Variants in SLC25A25 observed in about 807,000 individuals in gnomAD.
SLC25A25 encodes solute carrier family 25 member 25, also known as mitochondrial adenyl nucleotide antiporter SLC25A25.
SLC25A25 carries 32 observed loss-of-function variants against 57.7 expected under a neutral mutation model. That is an observed-to-expected ratio of 0.55 (90% CI 0.42 to 0.74). SLC25A25 has a LOEUF of 0.74. SLC25A25 is among the 30% of genes least tolerant of loss of function. The pLI is 0.00. For missense variants in SLC25A25, 556 were observed against 701.3 expected, an observed-to-expected ratio of 0.79 and a Z score of 2.34; for synonymous variants, 306 against 291.2, an observed-to-expected ratio of 1.05 and a Z score of -0.52.
Position 128,099,488 on chromosome 9 carries a change from C to A in SLC25A25, c.262-1608C>A. On this transcript the variant is annotated intron_variant, in intron 1 of 10. Transcript: ENST00000373069. The surrounding 1 kb of genome is among the most constrained non-coding windows in gnomAD (Gnocchi z 6.8). ...GGCTGGGTCCCAGAGGGCTCCATGC[C>A]TGATGTTCGCCTCCTGCCTAAATGG... is the stretch of plus-strand genomic sequence containing the variant. The A allele has an allele frequency of 1.1e-6, 1 of 919,914 alleles. No individual in the cohort carries two copies. Among genetic ancestry groups the A allele is most frequent in the Non-Finnish European group, 1.4e-6 (1 of 721,984 alleles). 57.0% of individuals were successfully genotyped at this position (919,914 alleles called of 1,614,324 possible). A position where few individuals can be genotyped will look rare whatever the true frequency, so the allele number is the denominator to read the frequency against.
intron 1 of SLC25A25, among the ~76,000 whole-genome samples, chr9:128,081,442 C>T (rs1833154151): frequency 2.0e-5 from 3 of 152,134 alleles, no homozygotes; most frequent in African/African-American, 4.8e-5. Context: ...AGGGTGGGTA[C>T]AACAAGTAGG....
At chr9:128,098,993 G>A (rs549025742) in intron 1 of SLC25A25, 3 of 985,344 alleles carry the variant, frequency 3.0e-6, no homozygotes, top group Non-Finnish European at 3.6e-6. Flanking sequence ...GCTGGAATGA[G>A]GGGGGTGTTC....
In SLC25A25 at chr9:128,077,883, G is replaced by A. The variant is rs182025984; in HGVS notation, c.261+9303G>A. 5.7e-4 allele frequency among the ~76,000 whole-genome samples: 87 copies of A among 151,980 alleles called. No homozygotes were observed. The East Asian group carries it at 0.016, about 28-fold the overall frequency. On this transcript the variant is annotated intron_variant, in intron 1 of 10. Coordinates refer to ENST00000373069, the MANE Select transcript of SLC25A25 (RefSeq NM_001330988.2). The stretch of plus-strand genomic sequence containing the variant: ...TCTACTAAAAATACAAAAATTAGCC[G>A]AGCATGGTGGCACACATCTGTAATC...
rs1466838666 is a variant in SLC25A25 at position 128,068,363 on chromosome 9, C to T, written c.44C>T (p.Pro15Leu). The change falls in exon 1 of 11, where the codon CCG becomes CTG. Residue 15 changes from proline (P) to leucine (L), a missense_variant. Around this residue, in one of 3 missense-constraint regions of SLC25A25, gnomAD observed 248 missense variants for 273.5 expected, o/e 0.91. Coordinates refer to ENST00000373069, the MANE Select transcript of SLC25A25 (RefSeq NM_001330988.2). ...VLCRCVASPP[P>L]DAAATAASSS... ...TGCCGCTGTGTGGCCTCCCCGCCGC[C>T]GGACGCCGCCGCCACCGCCGCCTCT... 6.5e-7 allele frequency: 1 copy of T among 1,542,980 alleles called. No homozygotes were observed. The highest frequency in any genetic ancestry group is 1.9e-5 in the Admixed American group (1 of 52,260).
rs567869070 is a variant in SLC25A25 at position 128,077,516 on chromosome 9, T to TAAAAA, written c.261+8945_261+8949dup. Among the ~76,000 whole-genome samples the TAAAAA allele has an allele frequency of 3.7e-3, 373 of 100,318 alleles. 19 individuals are homozygous for TAAAAA. In the East Asian group the frequency reaches 0.056, roughly 15 times the overall value. The allele number at this position is 100,318 out of a possible 152,430, so 65.8% of individuals were successfully genotyped here. A position where few individuals can be genotyped will look rare whatever the true frequency, so the allele number is the denominator to read the frequency against. On this transcript the variant is annotated intron_variant, in intron 1 of 10. Transcript: ENST00000373069. ...TGGGCGACAGAGCAAGACTCCGTCT[T>TAAAAA]AAAAAAAAAAAAAGCCAGTCGCAAA... is the stretch of plus-strand genomic sequence containing the variant.
At position 128,100,902 on chromosome 9, in the gene SLC25A25, G is replaced by A; in HGVS notation, c.262-194G>A. 4.5e-6 allele frequency: 3 copies of A among 669,162 alleles called. No individual in the cohort carries two copies. The South Asian group carries it at 5.9e-5, about 13-fold the overall frequency. 41.5% of individuals were successfully genotyped at this position (669,162 alleles called of 1,614,324 possible). ...TTGCCTGGGTTCTGGCCAGCACCTG[G>A]GGTTCTAGGTGGTGGCTCTGGCATG... is the stretch of plus-strand genomic sequence containing the variant. On this transcript the variant is annotated intron_variant, in intron 1 of 10. Coordinates refer to ENST00000373069, the MANE Select transcript of SLC25A25 (RefSeq NM_001330988.2).
intron 1 of SLC25A25, chr9:128,091,473 G>A (rs1226247512): frequency 2.0e-6 from 2 of 987,042 alleles, no homozygotes; most frequent in Admixed American, 6.1e-5. Flanking sequence ...AGCGAGGACA[G>A]CTGAATAACT....
Position 128,103,806 on chromosome 9 carries a change from G to T in SLC25A25, c.750G>T (p.Thr250=). The part of the protein sequence containing the change: ...GGAGAVSRTC[T]APLDRLKVLM... ...CAGGGGCCGTATCCAGAACCTGCAC[G>T]GCCCCCCTGGACAGGCTCAAGGTGC... Residue 250 remains threonine, a synonymous_variant, in exon 6 of 11, where the codon ACG becomes ACT. Coordinates refer to ENST00000373069, the MANE Select transcript of SLC25A25 (RefSeq NM_001330988.2). This position sits in a 1 kb window ranked among gnomAD's most constrained non-coding sequence, Gnocchi z 6.7. The T allele has an allele frequency of 1.2e-6, 2 of 1,611,472 alleles. No homozygotes were observed. The highest frequency in any genetic ancestry group is 1.7e-6 in the Non-Finnish European group (2 of 1,178,654).
chr9:128,071,964 C>T lies in SLC25A25; in HGVS notation c.261+3384C>T, dbSNP rs1234798503. Among the ~76,000 whole-genome samples the T allele has an allele frequency of 4.6e-5, 7 of 152,232 alleles. No homozygotes were observed. The East Asian group carries it at 1.2e-3, about 25-fold the overall frequency. ...TTGACCTCAAGTGATCTACCCACCT[C>T]GGCCTCCCAAAGTTCAGGGATTACA... On this transcript the variant is annotated intron_variant, in intron 1 of 10. Coordinates refer to ENST00000373069, the MANE Select transcript of SLC25A25 (RefSeq NM_001330988.2).
intron 1 of SLC25A25, among the ~76,000 whole-genome samples, chr9:128,079,910 G>C (rs1833110283): frequency 6.6e-6 from 1 of 151,946 alleles, no homozygotes; most frequent in African/African-American, 2.4e-5. Flanking sequence ...AGAATCGCTT[G>C]AACCTGGGAA....
chr9:128,090,912 A>G (rs1418324687), intron 1 of SLC25A25: 1 of 152,370 alleles, frequency 6.6e-6, no homozygotes, highest in East Asian at 1.9e-4. Flanking sequence ...AAACTAAGAA[A>G]CAAATGACCA....
chr9:128,105,908 C>T (rs1176717681), intron 7 of SLC25A25, 27 bp downstream of exon 7: 1 of 1,607,608 alleles, frequency 6.2e-7, no homozygotes, highest in Admixed American at 1.7e-5. Flanking sequence ...TCAGGAGGGT[C>T]ACCGGCCAGT....
intron 1 of SLC25A25, among the ~76,000 whole-genome samples, chr9:128,084,321 C>T (rs1181768563): frequency 1.3e-5 from 2 of 149,590 alleles, no homozygotes; most frequent in Non-Finnish European, 2.9e-5. Flanking sequence ...AGTGCAGTGG[C>T]GCGATCTCGG....
intron 1 of SLC25A25, among the ~76,000 whole-genome samples, chr9:128,089,020 C>T (rs911118597): frequency 1.3e-5 from 2 of 152,158 alleles, no homozygotes; most frequent in East Asian, 1.9e-4. Context: ...CTCAGCCTCC[C>T]GTGTAGCTGG....
At position 128,108,709 on chromosome 9, in the gene SLC25A25, A is replaced by G. The variant is rs1834151641; in HGVS notation, c.*1265A>G. 1 of 152,644 alleles carries G rather than the reference A, an allele frequency of 6.6e-6. No individual in the cohort carries two copies. Among genetic ancestry groups the G allele is most frequent in the Non-Finnish European group, 1.5e-5 (1 of 68,350 alleles). The allele number at this position is 152,644 out of a possible 1,614,324, so 9.5% of individuals were successfully genotyped here. ...TGGGCCGCTGCAGTCACATCTGTCC[A>G]GAGAAATTCCTTTTGGGACTGGAGG... On this transcript the variant is annotated 3_prime_UTR_variant, in exon 11 of 11. Coordinates refer to ENST00000373069, the MANE Select transcript of SLC25A25 (RefSeq NM_001330988.2).
intron 1 of SLC25A25, chr9:128,098,629 T>C (rs769808180): frequency 6.2e-7 from 1 of 1,614,120 alleles, no homozygotes; most frequent in Non-Finnish European, 8.5e-7. Flanking sequence ...TCCAGTACTT[T>C]GAGTCGAAGG....
chr9:128,106,162 G>A lies in SLC25A25; in HGVS notation c.949G>A (p.Val317Ile). ...FMAYEQIKRL[V>I]GSDQETLRIH... ...TTCCTGGTTCTAGATCAAGCGCCTTGTTGGTAGTGACCAGGAGACTCTGAG... is the reference window on the plus strand; with the variant it reads ...TTCCTGGTTCTAGATCAAGCGCCTTATTGGTAGTGACCAGGAGACTCTGAG... The change falls in exon 8 of 11, where the codon GTT (valine) becomes ATT (isoleucine). Residue 317 changes from valine (V) to isoleucine (I), a missense_variant. This residue lies in a region of SLC25A25 where 294 missense variants were observed against 389.6 expected (regional missense o/e 0.75). Transcript: ENST00000373069. The A allele has an allele frequency of 6.2e-7, 1 of 1,614,248 alleles. No individual in the cohort carries two copies. The highest frequency in any genetic ancestry group is 1.7e-5 in the Admixed American group (1 of 60,030).
At chr9:128,084,724 A>G (rs753852347) in intron 1 of SLC25A25, among the ~76,000 whole-genome samples, 4 of 152,202 alleles carry the variant, frequency 2.6e-5, no homozygotes, top group Non-Finnish European at 4.4e-5. Context: ...GGGCTGTATC[A>G]TGGGCCTTGG....
At chr9:128,072,749 G>T (rs1324433571) in intron 1 of SLC25A25, among the ~76,000 whole-genome samples, 1 of 152,240 alleles carries the variant, frequency 6.6e-6, no homozygotes, top group Non-Finnish European at 1.5e-5. Context: ...GACGACAACA[G>T]TAGTGACTTT....
Sources: gnomAD v4.1 joint callset for allele counts (sites outside exome capture counted in the v4.1 genomes callset) on GRCh38, gnomAD v4.1.1 for gene constraint, gnomAD v4.1.1 regional missense constraint, Gnocchi (gnomAD v3.1) non-coding constraint, MANE v1.5 for transcripts, NCBI Gene and HGNC (gene_info 2026-07-23, HGNC 2026-07-21) for gene names.